The following OCIAD2 variants were observed in gnomAD, a reference collection of about 807,000 sequenced individuals.
OCIAD2 encodes the protein OCIA domain containing 2.
Under a neutral mutation model 22.9 loss-of-function variants are expected in OCIAD2, and 29 were observed. The ratio of observed to expected loss-of-function variants is 1.27; its 90% CI spans 0.94 to 1.73. The LOEUF (loss-of-function observed/expected upper bound fraction) is 1.73. Ranked by LOEUF, OCIAD2 falls within the 40% of genes most tolerant of loss-of-function variation. The probability of loss-of-function intolerance (pLI) is 0.00; values close to 1 mark genes in which losing one functional copy is unlikely to be tolerated. For missense variants in OCIAD2, 189 were observed against 180.3 expected, an observed-to-expected ratio of 1.05 and a Z score of -0.28; for synonymous variants, 67 against 60.2, an observed-to-expected ratio of 1.11 and a Z score of -0.52.
intron 2 of OCIAD2, among the ~76,000 whole-genome samples, chr4:48,903,593 G>A (rs1781463278): frequency 6.7e-6 from 1 of 150,068 alleles, no homozygotes; most frequent in Non-Finnish European, 1.5e-5. Flanking sequence ...TCATCTAAGA[G>A]TTAGTAAGGC....
At chr4:48,900,947 C>T (rs1346793822) in intron 2 of OCIAD2, among the ~76,000 whole-genome samples, 1 of 152,122 alleles carries the variant, frequency 6.6e-6, no homozygotes, top group Non-Finnish European at 1.5e-5. Flanking sequence ...CAACTCCCAT[C>T]TCTTACCATT....
intron 6 of OCIAD2, among the ~76,000 whole-genome samples, chr4:48,892,506 G>T (rs1383893887): frequency 5.3e-5 from 8 of 152,208 alleles, no homozygotes; most frequent in African/African-American, 1.7e-4. Context: ...AGCCATATCT[G>T]CTCATTGAGG....
intron 1 of OCIAD2, among the ~76,000 whole-genome samples, chr4:48,906,432 G>T (rs1010798449): frequency 3.9e-5 from 6 of 152,174 alleles, no homozygotes; most frequent in African/African-American, 1.4e-4. Context: ...GGGGAAGCCG[G>T]GAGTCAGCCT....
At chr4:48,900,873 C>G (rs1409881113) in intron 2 of OCIAD2, among the ~76,000 whole-genome samples, 1 of 152,042 alleles carries the variant, frequency 6.6e-6, no homozygotes, top group Non-Finnish European at 1.5e-5. Flanking sequence ...GGATTACAGG[C>G]GTAAGTCACT....
chr4:48,904,866 G>T lies in OCIAD2; in HGVS notation c.-62-255C>A, dbSNP rs181522084. Among the ~76,000 whole-genome samples, 161 of 152,164 alleles carry T rather than the reference G, an allele frequency of 1.1e-3. 1 individual carries two copies. Among genetic ancestry groups the T allele is most frequent in the Admixed American group, 4.4e-3 (67 of 15,298 alleles). On this transcript the variant is annotated intron_variant, in intron 1 of 6. Transcript: ENST00000508632. ...AGTGTCGATTATGTGCCAGGCCAGG[G>T]GATATGAAGAAGGATAAGACAAGAT...
At chr4:48,903,177 A>G (rs538868033) in intron 2 of OCIAD2, among the ~76,000 whole-genome samples, 2 of 152,182 alleles carry the variant, frequency 1.3e-5, no homozygotes, top group African/African-American at 2.4e-5. Context: ...TCTTTTCTTC[A>G]TTGATGTATT....
chr4:48,899,396 G>A (rs1216491317), intron 3 of OCIAD2, among the ~76,000 whole-genome samples: 1 of 152,172 alleles, frequency 6.6e-6, no homozygotes, highest in Non-Finnish European at 1.5e-5. Flanking sequence ...TCATTCATTA[G>A]AGAAATATCG....
At chr4:48,888,195 A>G (rs1022776057) in intron 6 of OCIAD2, among the ~76,000 whole-genome samples, 2 of 152,206 alleles carry the variant, frequency 1.3e-5, no homozygotes, top group African/African-American at 4.8e-5. Context: ...TTGTATTCTG[A>G]GACTTTGCTG....
intron 4 of OCIAD2, 40 bp from the exon 5 acceptor site, chr4:48,894,093 T>C (rs1290121601): frequency 2.0e-6 from 2 of 1,013,658 alleles, no homozygotes; most frequent in Admixed American, 5.4e-5. Flanking sequence ...TTTCATTTCA[T>C]AAATTAAATT....
rs1006476686 is a variant in OCIAD2 at position 48,906,712 on chromosome 4, G to C, written c.-117C>G. ...AGTCCCTCGTTGCCAAGCCCAGCAG[G>C]CCTCGCTCCCCCGTGACTGCACCGC... On this transcript the variant is annotated 5_prime_UTR_variant, in exon 1 of 7. Transcript: ENST00000508632. 1 of 152,998 alleles carries C rather than the reference G, an allele frequency of 6.5e-6. No individual in the cohort carries two copies. Among genetic ancestry groups the C allele is most frequent in the Admixed American group, 6.5e-5 (1 of 15,290 alleles). The allele number at this position is 152,998 out of a possible 1,614,324, so 9.5% of individuals were successfully genotyped here.
intron 6 of OCIAD2, 147 bp downstream of exon 6, chr4:48,892,625 T>C: frequency 2.1e-6 from 1 of 485,034 alleles, no homozygotes; most frequent in Admixed American, 3.4e-5. Flanking sequence ...TTATTGAAGT[T>C]GGGTAACAAC....
chr4:48,896,836 A>G (rs1489218015), intron 4 of OCIAD2, among the ~76,000 whole-genome samples: 3 of 152,188 alleles, frequency 2.0e-5, no homozygotes, highest in Admixed American at 2.0e-4. Context: ...AAACAAGATA[A>G]GGTGCCTTCT....
At chr4:48,900,959 C>G (rs1162489804) in intron 2 of OCIAD2, among the ~76,000 whole-genome samples, 1 of 152,100 alleles carries the variant, frequency 6.6e-6, no homozygotes, top group Admixed American at 6.6e-5. Context: ...CTTACCATTC[C>G]TTTGGCTTTG....
chr4:48,903,327 G>C (rs1168441703), intron 2 of OCIAD2, among the ~76,000 whole-genome samples: 2 of 152,168 alleles, frequency 1.3e-5, no homozygotes, highest in Admixed American at 1.3e-4. Flanking sequence ...CATAGGATTA[G>C]TGTGATTACT....
chr4:48,890,021 C>A (rs187908687), intron 6 of OCIAD2, among the ~76,000 whole-genome samples: 4 of 149,446 alleles, frequency 2.7e-5, no homozygotes, highest in East Asian at 4.0e-4. Context: ...AAACCAAACA[C>A]CGCATGTTCT....
At chr4:48,888,608 C>A (rs965455285) in intron 6 of OCIAD2, among the ~76,000 whole-genome samples, 10 of 152,096 alleles carry the variant, frequency 6.6e-5, no homozygotes, top group African/African-American at 1.9e-4. Flanking sequence ...TGGTTTTGGT[C>A]TTTGGTTCTG....
intron 2 of OCIAD2, among the ~76,000 whole-genome samples, chr4:48,900,588 A>C (rs1781394304): frequency 6.6e-6 from 1 of 151,904 alleles, no homozygotes; most frequent in African/African-American, 2.4e-5. Context: ...TTATTTATTA[A>C]AAATTTAAAA....
chr4:48,889,943 C>G (rs1283814861), intron 6 of OCIAD2, among the ~76,000 whole-genome samples: 1 of 152,132 alleles, frequency 6.6e-6, no homozygotes, highest in African/African-American at 2.4e-5. Flanking sequence ...AGGATGAGCT[C>G]ATGTCCTTTG....
At chr4:48,899,794 T>C (rs762923916) in intron 3 of OCIAD2, 35 bp downstream of exon 3, 9 of 1,467,676 alleles carry the variant, frequency 6.1e-6, no homozygotes, top group Non-Finnish European at 8.5e-6. Flanking sequence ...ATTTAGGCAG[T>C]TTACTGCCAC....
Sources: allele counts gnomAD v4.1 joint callset (sites outside exome capture counted in the v4.1 genomes callset), GRCh38; gene constraint gnomAD v4.1.1; transcripts MANE v1.5; gene names NCBI Gene and HGNC (gene_info 2026-07-23, HGNC 2026-07-21).